Variants in UBQLN4 observed in about 807,000 individuals in gnomAD.
The protein encoded by UBQLN4 is ubiquilin-4.
A neutral mutation model predicts 60.4 loss-of-function variants in UBQLN4; 11 were observed. The ratio of observed to expected loss-of-function variants is 0.18; its 90% CI spans 0.11 to 0.30. The LOEUF (loss-of-function observed/expected upper bound fraction) is 0.30, where lower values mean the gene tolerates loss of function less well. Ranked by LOEUF, UBQLN4 falls within the 10% of genes least tolerant of loss-of-function variation. The pLI is 1.00. For missense variants in UBQLN4, 417 were observed against 795.5 expected, an observed-to-expected ratio of 0.52 and a Z score of 5.72; for synonymous variants, 258 against 313.1, an observed-to-expected ratio of 0.82 and a Z score of 1.86.
downstream of UBQLN4, among the ~76,000 whole-genome samples, chr1:156,035,134 C>T (rs1023038512): frequency 6.6e-6 from 1 of 151,738 alleles, no homozygotes; most frequent in African/African-American, 2.4e-5. Flanking sequence ...CTCTTGTTGC[C>T]CAGGCTGTAG....
At position 156,050,260 on chromosome 1, in the gene UBQLN4, T is replaced by A; in HGVS notation, c.741+31A>T. 2.6e-6 allele frequency: 4 copies of A among 1,529,708 alleles called. No homozygotes were observed. Among genetic ancestry groups the A allele is most frequent in the Non-Finnish European group, 3.5e-6 (4 of 1,134,170 alleles). The allele number at this position is 1,529,708 out of a possible 1,614,324, so 94.8% of individuals were successfully genotyped here. On this transcript the variant is annotated intron_variant, in intron 4 of 10. Coordinates refer to ENST00000368309, the MANE Select transcript of UBQLN4 (RefSeq NM_020131.5). The surrounding 1 kb of genome is among the most constrained non-coding windows in gnomAD (Gnocchi z 4.6). ...GGCAGGGCACGGCTGGGCACCAGTG[T>A]CCTCCAGCTCTCCAGCCCTCTCATA...
chr1:156,047,891 C>CAAAAAAAA (rs749746724), intron 5 of UBQLN4, among the ~76,000 whole-genome samples: 5 of 39,892 alleles, frequency 1.3e-4, no homozygotes, highest in Non-Finnish European at 2.1e-4. Context: ...GACTCCATCT[C>CAAAAAAAA]AAAAAAAAAA....
rs1313979547 is a variant in UBQLN4 at position 156,048,369 on chromosome 1, TGCCTTCAA to T, written c.900+124_900+131del. The T allele has an allele frequency of 1.9e-6, 2 of 1,064,402 alleles. No homozygotes were observed. The highest frequency in any genetic ancestry group is 5.6e-5 in the Admixed American group (2 of 35,576). 65.9% of individuals were successfully genotyped at this position (1,064,402 alleles called of 1,614,324 possible). ...TCCCCGGATATGTACTGTTGAGAAC[TGCCTTCAA>T]GCCAAGGCCCACCCCTCAGGGGACT... On this transcript the variant is annotated intron_variant, in intron 5 of 10. Coordinates refer to ENST00000368309, the MANE Select transcript of UBQLN4 (RefSeq NM_020131.5). The surrounding 1 kb of genome is among the most constrained non-coding windows in gnomAD (Gnocchi z 4.9).
intron 1 of UBQLN4, among the ~76,000 whole-genome samples, chr1:156,052,608 G>A (rs1047173528): frequency 6.6e-6 from 1 of 152,316 alleles, no homozygotes; most frequent in Admixed American, 6.5e-5. Context: ...ACAGGTGTGA[G>A]CCACCACGCC....
chr1:156,042,493 T>A lies in UBQLN4; in HGVS notation c.1267-257A>T, dbSNP rs1683594559. ...TGAGGACAGCTAACATTTCCAGGTA[T>A]ACAGAACTTACTCTGTCACACGCCA... is the stretch of plus-strand genomic sequence containing the variant. On this transcript the variant is annotated intron_variant, in intron 7 of 10. Transcript: ENST00000368309. 1.6e-5 allele frequency: 21 copies of A among 1,309,796 alleles called. No individual in the cohort carries two copies. The South Asian group carries it at 3.7e-4, about 23-fold the overall frequency. The allele number at this position is 1,309,796 out of a possible 1,614,324, so 81.1% of individuals were successfully genotyped here.
At chr1:156,035,040 T>A (rs1339466912), downstream of UBQLN4, among the ~76,000 whole-genome samples, 1 of 150,782 alleles carries the variant, frequency 6.6e-6, no homozygotes, top group Non-Finnish European at 1.5e-5. Context: ...GGCTAATTTT[T>A]AAATTTTTCG....
At chr1:156,034,825 CTATATATATATATATATATATATATATA>C (rs34720108), downstream of UBQLN4, among the ~76,000 whole-genome samples, 36 of 46,384 alleles carry the variant, frequency 7.8e-4, 2 homozygotes, top group South Asian at 1.9e-3. Flanking sequence ...CCTTAACCTT[CTATATATATATATATATATATATATATA>C]TATATATATA....
intron 6 of UBQLN4, 55 bp downstream of exon 6, chr1:156,043,943 G>T: frequency 6.4e-7 from 1 of 1,574,664 alleles, no homozygotes; most frequent in Non-Finnish European, 8.7e-7. Context: ...TTCAGTCCTG[G>T]GACAGAGGGG....
At chr1:156,044,668 G>A (rs1683653582) in intron 5 of UBQLN4, among the ~76,000 whole-genome samples, 1 of 152,118 alleles carries the variant, frequency 6.6e-6, no homozygotes, top group South Asian at 2.1e-4. Flanking sequence ...CTTAATGGGA[G>A]TGGGCTGTCA....
At position 156,037,119 on chromosome 1, in the gene UBQLN4, T is replaced by C. The variant is rs752088960; in HGVS notation, c.1665A>G (p.Pro555=). The change falls in exon 11 of 11, where the codon CCA becomes CCG. Residue 555 remains proline, a synonymous_variant. Coordinates refer to ENST00000368309, the MANE Select transcript of UBQLN4 (RefSeq NM_020131.5). ...CCAGCTGCTGCTGAAATCTCACTTC[T>C]GGCGTCTGCACCTGGAGGGGACAGG... ...AGSGNSQVQT[P]EVRFQQQLEQ... The C allele has an allele frequency of 6.2e-7, 1 of 1,614,170 alleles. No homozygotes were observed. The highest frequency in any genetic ancestry group is 8.5e-7 in the Non-Finnish European group (1 of 1,180,004).
chr1:156,034,825 CTATATATATATA>C (rs34720108), downstream of UBQLN4, among the ~76,000 whole-genome samples: 1,637 of 46,338 alleles, frequency 0.035, 118 homozygotes, highest in East Asian at 0.24. Flanking sequence ...CCTTAACCTT[CTATATATATATA>C]TATATATATA....
At position 156,042,139 on chromosome 1, in the gene UBQLN4, G is replaced by T; in HGVS notation, c.1350+14C>A. ...CTTGCCCTCAACCTCCACCCATCTA[G>T]GCTCCTCACTCACCTGCTGCAGGAA... On this transcript the variant is annotated intron_variant, in intron 8 of 10. Transcript: ENST00000368309. The T allele has an allele frequency of 1.2e-6, 2 of 1,605,782 alleles. No homozygotes were observed. Among genetic ancestry groups the T allele is most frequent in the Non-Finnish European group, 1.7e-6 (2 of 1,177,164 alleles).
chr1:156,047,836 G>A (rs1683754317), intron 5 of UBQLN4, among the ~76,000 whole-genome samples: 1 of 147,392 alleles, frequency 6.8e-6, no homozygotes, highest in Non-Finnish European at 1.5e-5. Context: ...AGGTTACAGT[G>A]AGCCGAGATT....
At chr1:156,032,204 A>G (rs548155093), downstream of UBQLN4, among the ~76,000 whole-genome samples, 3 of 151,880 alleles carry the variant, frequency 2.0e-5, no homozygotes, top group South Asian at 6.2e-4. Flanking sequence ...GGGTTTCACC[A>G]TATTGGGCAG....
At chr1:156,044,819 C>A (rs1683658113) in intron 5 of UBQLN4, among the ~76,000 whole-genome samples, 1 of 152,064 alleles carries the variant, frequency 6.6e-6, no homozygotes, top group Non-Finnish European at 1.5e-5. Flanking sequence ...CAGTGGCGGC[C>A]CCTAGCAGAA....
chr1:156,046,646 G>C (rs912529258), intron 5 of UBQLN4, among the ~76,000 whole-genome samples: 1 of 151,776 alleles, frequency 6.6e-6, no homozygotes, highest in Non-Finnish European at 1.5e-5. Context: ...TTCGAGACCA[G>C]CCTGGCCAAT....
intron 10 of UBQLN4, 101 bp from the exon 11 acceptor site, chr1:156,037,231 A>T (rs946655732): frequency 2.1e-6 from 3 of 1,430,716 alleles, no homozygotes; most frequent in Non-Finnish European, 2.8e-6. Context: ...TAATATCCTC[A>T]GAGTCAATCA....
Position 156,048,365 on chromosome 1 carries a change from G to A in UBQLN4, c.900+136C>T. 9.8e-7 allele frequency: 1 copy of A among 1,024,774 alleles called. No homozygotes were observed. The allele number at this position is 1,024,774 out of a possible 1,614,324, so 63.5% of individuals were successfully genotyped here. A position where few individuals can be genotyped will look rare whatever the true frequency, so the allele number is the denominator to read the frequency against. On this transcript the variant is annotated intron_variant, in intron 5 of 10. Coordinates refer to ENST00000368309, the MANE Select transcript of UBQLN4 (RefSeq NM_020131.5). This position sits in a 1 kb window ranked among gnomAD's most constrained non-coding sequence, Gnocchi z 4.9. The stretch of plus-strand genomic sequence containing the variant: ...ACCATCCCCGGATATGTACTGTTGA[G>A]AACTGCCTTCAAGCCAAGGCCCACC...
In UBQLN4 at chr1:156,047,711, T is replaced by C. The variant is rs565164034; in HGVS notation, c.900+790A>G. ...GAGATCAAGATCATCCTGGCTAACA[T>C]GGTGAAACCCCATCTCTACTAAAAA... On this transcript the variant is annotated intron_variant, in intron 5 of 10. Transcript: ENST00000368309. 2.1e-3 allele frequency among the ~76,000 whole-genome samples: 317 copies of C among 150,612 alleles called. 1 individual carries two copies. Among genetic ancestry groups the C allele is most frequent in the Admixed American group, 2.4e-3 (37 of 15,152 alleles).
Sources: allele counts gnomAD v4.1 joint callset (sites outside exome capture counted in the v4.1 genomes callset), GRCh38; gene constraint gnomAD v4.1.1; non-coding constraint Gnocchi (gnomAD v3.1); transcripts MANE v1.5; gene names NCBI Gene and HGNC (gene_info 2026-07-23, HGNC 2026-07-21).